The following QTGAL variants were observed in gnomAD, a reference collection of about 807,000 sequenced individuals.
QTGAL encodes BGnT-like protein 1.
the QTGAL span, chr17:82,961,459 C>A: frequency 2.2e-6 from 1 of 446,620 alleles, no homozygotes. Context: ...GGTCTCAGGG[C>A]AAAGAGGAAG....
chr17:82,961,412 T>TCTTG, the QTGAL span: 1 of 522,960 alleles, frequency 1.9e-6, no homozygotes, highest in Non-Finnish European at 3.5e-6. Context: ...GTGGGCTGGG[T>TCTTG]CTTGGTTCTG....
At chr17:83,008,005 C>T in the QTGAL span, among the ~76,000 whole-genome samples, 5 of 142,726 alleles carry the variant, frequency 3.5e-5, no homozygotes, top group Admixed American at 6.8e-5. Flanking sequence ...GCGATGCTGC[C>T]GGCACCTTCC....
chr17:82,968,109 C>T, the QTGAL span, among the ~76,000 whole-genome samples: 1 of 152,184 alleles, frequency 6.6e-6, no homozygotes, highest in African/African-American at 2.4e-5. Flanking sequence ...TAGACATTTA[C>T]CCAAGAAAAA....
chr17:82,957,171 C>T, the QTGAL span: 5 of 1,614,038 alleles, frequency 3.1e-6, no homozygotes, highest in Admixed American at 1.7e-5. Flanking sequence ...CACCATGCGG[C>T]CCTGCACACC....
chr17:82,968,730 T>C, the QTGAL span, among the ~76,000 whole-genome samples: 1 of 152,232 alleles, frequency 6.6e-6, no homozygotes, highest in South Asian at 2.1e-4. Context: ...CCGGGCGCGG[T>C]GGCTCACGTC....
chr17:83,015,535 T>C, the QTGAL span, among the ~76,000 whole-genome samples: 7 of 152,234 alleles, frequency 4.6e-5, no homozygotes, highest in Admixed American at 4.6e-4. This position sits in a 1 kb window ranked among gnomAD's most constrained non-coding sequence, Gnocchi z 4.4. Flanking sequence ...ATATACATGG[T>C]ATTTTCCCCT....
the QTGAL span, chr17:82,949,780 A>G: frequency 6.6e-6 from 1 of 152,194 alleles, no homozygotes; most frequent in Non-Finnish European, 1.5e-5. Context: ...TCGATGGGAT[A>G]TTTGGAATTC....
chr17:82,972,533 AC>A, the QTGAL span, among the ~76,000 whole-genome samples: 15 of 105,328 alleles, frequency 1.4e-4, no homozygotes, highest in African/African-American at 2.7e-4. Flanking sequence ...CCTGGTGCCG[AC>A]CACACCACAC....
chr17:83,021,246 A>G, the QTGAL span, among the ~76,000 whole-genome samples: 17 of 152,220 alleles, frequency 1.1e-4, no homozygotes, highest in Non-Finnish European at 5.9e-5. Context: ...AGAACGCGGA[A>G]TAAGTAAGAT....
At chr17:82,993,569 A>G in the QTGAL span, among the ~76,000 whole-genome samples, 1 of 152,120 alleles carries the variant, frequency 6.6e-6, no homozygotes, top group Non-Finnish European at 1.5e-5. Context: ...TCAGCACTGA[A>G]CAGATTTTCC....
At chr17:82,977,873 G>A in the QTGAL span, among the ~76,000 whole-genome samples, 3 of 152,242 alleles carry the variant, frequency 2.0e-5, no homozygotes, top group East Asian at 1.9e-4. Context: ...TACTTCCTGC[G>A]GTTTCTGTCT....
chr17:82,977,785 G>T, the QTGAL span, among the ~76,000 whole-genome samples: 23 of 152,294 alleles, frequency 1.5e-4, no homozygotes, highest in Admixed American at 3.3e-4. Context: ...GGGACCGAGG[G>T]GGGTGGAACG....
chr17:83,027,136 G>C, the QTGAL span, among the ~76,000 whole-genome samples: 22 of 92,158 alleles, frequency 2.4e-4, no homozygotes, highest in Middle Eastern at 0.022. Context: ...AACCCACCCT[G>C]GACAGACACA....
chr17:82,958,943 T>TGGGG, the QTGAL span, among the ~76,000 whole-genome samples: 1 of 73,488 alleles, frequency 1.4e-5, no homozygotes, highest in East Asian at 3.9e-4. Flanking sequence ...GTGTGTATAC[T>TGGGG]GTGTGGGGGT....
At chr17:82,956,591 G>T in the QTGAL span, 1 of 1,275,388 alleles carries the variant, frequency 7.8e-7, no homozygotes, top group Non-Finnish European at 1.1e-6. This position sits in a 1 kb window ranked among gnomAD's most constrained non-coding sequence, Gnocchi z 5.7. Flanking sequence ...CATCGGCTGG[G>T]GTCTCATCCC....
chr17:82,964,636 A>G, the QTGAL span, among the ~76,000 whole-genome samples: 78 of 81,438 alleles, frequency 9.6e-4, no homozygotes, highest in Admixed American at 1.4e-3. Context: ...CCCCACGGGG[A>G]GGACGGGGAC....
the QTGAL span, among the ~76,000 whole-genome samples, chr17:82,983,654 G>A: frequency 4.7e-4 from 71 of 152,306 alleles, no homozygotes; most frequent in African/African-American, 1.5e-3. Context: ...GATGGGCGCC[G>A]CCAGGAACAG....
At chr17:83,050,311 G>T in the QTGAL span, among the ~76,000 whole-genome samples, 2 of 152,112 alleles carry the variant, frequency 1.3e-5, no homozygotes, top group Middle Eastern at 3.4e-3. Flanking sequence ...CAGAGGTTGC[G>T]GTGAGCCGAG....
the QTGAL span, among the ~76,000 whole-genome samples, chr17:82,972,688 ACAC>A: frequency 7.9e-6 from 1 of 126,708 alleles, no homozygotes; most frequent in Admixed American, 7.6e-5. Context: ...GGTACTGACC[ACAC>A]CACACCACAG....
Sources: allele counts gnomAD v4.1 joint callset (sites outside exome capture counted in the v4.1 genomes callset), GRCh38; gene constraint gnomAD v4.1.1; non-coding constraint Gnocchi (gnomAD v3.1); transcripts MANE v1.5; gene names NCBI Gene and HGNC (gene_info 2026-07-23, HGNC 2026-07-21).